CPPED1: variants seen among roughly 807,000 people sequenced by gnomAD.
The protein encoded by CPPED1 is serine/threonine-protein phosphatase CPPED1.
In CPPED1, 28 loss-of-function variants were observed where a neutral mutation model predicts 28.0. The ratio of observed to expected loss-of-function variants is 1.00; its 90% confidence interval spans 0.74 to 1.37. The LOEUF is 1.37. CPPED1 is among the 40% of genes most tolerant of loss of function. CPPED1 has a pLI of 0.00. For synonymous variants in CPPED1, 198 were observed against 180.2 expected (o/e 1.10, Z -0.79); for missense variants, 504 against 416.5 (o/e 1.21, Z -1.83).
At chr16:12,717,785 G>T (rs1317148467) in intron 2 of CPPED1, among the ~76,000 whole-genome samples, 1 of 152,034 alleles carries the variant, frequency 6.6e-6, no homozygotes, top group Non-Finnish European at 1.5e-5. Flanking sequence ...GGGATTACAG[G>T]AGCCTGTCAC....
intron 2 of CPPED1, among the ~76,000 whole-genome samples, chr16:12,710,470 AG>A (rs950227422): frequency 6.6e-6 from 1 of 150,638 alleles, no homozygotes; most frequent in Non-Finnish European, 1.5e-5. Context: ...AAAAAAAAGG[AG>A]GGGGGGAACA....
rs1048438894 is a variant in CPPED1, at chr16:12,728,113, T to G, written c.290-23064A>C. Among the ~76,000 whole-genome samples, 9 of 152,294 alleles carry G rather than the reference T, an allele frequency of 5.9e-5. No homozygotes were observed. In the East Asian group the frequency reaches 1.7e-3, roughly 29 times the overall value. ...AGCGAAATATTTGCAATTTCTGTTA[T>G]TATTGCTGGATTTTGTGTCTTTTTC... is the stretch of plus-strand genomic sequence containing the variant. On this transcript the variant is annotated intron_variant, in intron 2 of 3. Coordinates refer to ENST00000381774, the MANE Select transcript of CPPED1 (RefSeq NM_018340.3).
At chr16:12,802,757 C>T (rs1216282794) in intron 1 of CPPED1, among the ~76,000 whole-genome samples, 3 of 152,222 alleles carry the variant, frequency 2.0e-5, no homozygotes, top group Non-Finnish European at 4.4e-5. Context: ...CAGAAAACAG[C>T]AAGCGCCAAG....
rs2080039177 is a variant in CPPED1 at position 12,704,710 on chromosome 16, AG to A, written c.628del (p.Leu210TrpfsTer86). The A allele has an allele frequency of 6.2e-7, 1 of 1,614,082 alleles. No homozygotes were observed. The highest frequency in any genetic ancestry group is 2.2e-5 in the East Asian group (1 of 44,900). Reference sequence around the variant, plus strand: ...GTCGTCGTCCTCGTCGATGCTCTCCAGGAACAGCGGGATGTGCTGGAAGACG... The same window carrying A: ...GTCGTCGTCCTCGTCGATGCTCTCCAGAACAGCGGGATGTGCTGGAAGACG... ...AIVFQHIPLFLESIDEDDDYY... is the reference protein window; with the variant it reads ...AIVFQHIPLFXESIDEDDDYY... On this transcript the variant is annotated frameshift_variant, in exon 3 of 4. Transcript: ENST00000381774. LOFTEE classifies it high-confidence loss of function.
intron 1 of CPPED1, among the ~76,000 whole-genome samples, chr16:12,783,121 G>T (rs1331687623): frequency 1.3e-5 from 2 of 152,160 alleles, no homozygotes; most frequent in African/African-American, 4.8e-5. Context: ...AGTGCTCGTT[G>T]GGGGAGATGA....
intron 3 of CPPED1, among the ~76,000 whole-genome samples, chr16:12,693,125 G>C (rs923279493): frequency 6.6e-6 from 1 of 152,152 alleles, no homozygotes; most frequent in African/African-American, 2.4e-5. Flanking sequence ...CACCTGTGCC[G>C]AAGACCTGGA....
At chr16:12,712,732 G>C (rs1404973743) in intron 2 of CPPED1, among the ~76,000 whole-genome samples, 1 of 152,026 alleles carries the variant, frequency 6.6e-6, no homozygotes, top group Non-Finnish European at 1.5e-5. Context: ...CTAGTAGTAC[G>C]ACACAATTTT....
Position 12,704,519 on chromosome 16 carries a change from C to T in CPPED1, c.715+105G>A. On this transcript the variant is annotated intron_variant, in intron 3 of 3. Coordinates refer to ENST00000381774, the MANE Select transcript of CPPED1 (RefSeq NM_018340.3). ...CTGGTATCAGAACTCCCGGCCTAGTCCTCTCTCCCTTTTTGACACATTGCA... is the reference window on the plus strand; with the variant it reads ...CTGGTATCAGAACTCCCGGCCTAGTTCTCTCTCCCTTTTTGACACATTGCA... 3 of 1,239,282 alleles carry T rather than the reference C, an allele frequency of 2.4e-6. No homozygotes were observed. In the East Asian group the frequency reaches 7.0e-5, roughly 29 times the overall value. 76.8% of individuals were successfully genotyped at this position (1,239,282 alleles called of 1,614,324 possible). A position where few individuals can be genotyped will look rare whatever the true frequency, so the allele number is the denominator to read the frequency against.
chr16:12,722,024 G>A (rs1372147329), intron 2 of CPPED1, among the ~76,000 whole-genome samples: 2 of 152,098 alleles, frequency 1.3e-5, no homozygotes, highest in African/African-American at 4.8e-5. Flanking sequence ...GTTCTCTGAG[G>A]CAAACAGACA....
chr16:12,696,734 C>T (rs894296338), intron 3 of CPPED1, among the ~76,000 whole-genome samples: 3 of 151,970 alleles, frequency 2.0e-5, no homozygotes, highest in South Asian at 2.1e-4. Context: ...TGAGCCGCTG[C>T]GCCTGGCCTG....
chr16:12,693,370 G>GT (rs1555484513), intron 3 of CPPED1, among the ~76,000 whole-genome samples: 1 of 151,982 alleles, frequency 6.6e-6, no homozygotes, highest in Non-Finnish European at 1.5e-5. Context: ...CATTTTTTGT[G>GT]TTTTTTTGTA....
chr16:12,786,393 C>T (rs891220284), intron 1 of CPPED1, among the ~76,000 whole-genome samples: 5 of 149,618 alleles, frequency 3.3e-5, no homozygotes, highest in Admixed American at 2.7e-4. Context: ...CAGTGACTTT[C>T]GTTTCCTTAA....
intron 3 of CPPED1, among the ~76,000 whole-genome samples, chr16:12,672,473 G>T (rs1237020976): frequency 6.6e-6 from 1 of 152,188 alleles, no homozygotes; most frequent in Non-Finnish European, 1.5e-5. Context: ...GCACCAAAAG[G>T]TGCCAAATAC....
Position 12,665,016 on chromosome 16 carries a change from C to T in CPPED1, c.815G>A (p.Gly272Asp). The change falls in exon 4 of 4, where the codon GGC (glycine) becomes GAC (aspartate). Residue 272 changes from glycine (G) to aspartate (D), a missense_variant. Gly to Asp is a moderately conservative substitution (Grantham distance 94, BLOSUM62 -1). Coordinates refer to ENST00000381774, the MANE Select transcript of CPPED1 (RefSeq NM_018340.3). ...VVSSAIGCQL[G>D]RDPHGLRVVV... ...GACTCGGAGCCCGTGGGGGTCTCTG[C>T]CCAGCTGGCATCCAATGGCAGATGA... The T allele has an allele frequency of 6.2e-7, 1 of 1,609,966 alleles. No individual in the cohort carries two copies. Among genetic ancestry groups the T allele is most frequent in the South Asian group, 1.1e-5 (1 of 90,624 alleles).
rs529672954 is a variant in CPPED1, at chr16:12,701,297, A to T, written c.715+3327T>A. 2.4e-4 allele frequency among the ~76,000 whole-genome samples: 36 copies of T among 152,184 alleles called. No individual in the cohort carries two copies. The South Asian group carries it at 6.9e-3, about 29-fold the overall frequency. On this transcript the variant is annotated intron_variant, in intron 3 of 3. Coordinates refer to ENST00000381774, the MANE Select transcript of CPPED1 (RefSeq NM_018340.3). ...GTAATTCCAGCACTTTGGGAGGCTG[A>T]GGCGGGCAGATCACTTGAGGTCAGT...
intron 3 of CPPED1, among the ~76,000 whole-genome samples, chr16:12,695,218 T>C (rs7197778): frequency 0.2 from 29,968 of 152,194 alleles, 4,904 homozygotes; most frequent in African/African-American, 0.45. Flanking sequence ...TGGTGAGGTA[T>C]GTTAAATTAA....
intron 2 of CPPED1, among the ~76,000 whole-genome samples, chr16:12,732,319 T>C (rs1182076538): frequency 7.2e-6 from 1 of 139,438 alleles, no homozygotes; most frequent in Non-Finnish European, 1.5e-5. Context: ...AGGTGAGGAA[T>C]CATCTCAAAA....
chr16:12,800,451 T>C (rs919486789), intron 1 of CPPED1, among the ~76,000 whole-genome samples: 3 of 143,376 alleles, frequency 2.1e-5, no homozygotes, highest in Admixed American at 7.0e-5. Context: ...AAAAAAAAAG[T>C]AAACCATGGG....
At chr16:12,686,241 A>ATATATATTT (rs35644844) in intron 3 of CPPED1, among the ~76,000 whole-genome samples, 9 of 106,970 alleles carry the variant, frequency 8.4e-5, no homozygotes, top group African/African-American at 3.7e-4. Flanking sequence ...ATATATATAT[A>ATATATATTT]TTTTTTTTTT....
Sources: gnomAD v4.1 joint callset for allele counts (sites outside exome capture counted in the v4.1 genomes callset) on GRCh38, gnomAD v4.1.1 for gene constraint, MANE v1.5 for transcripts, NCBI Gene and HGNC (gene_info 2026-07-23, HGNC 2026-07-21) for gene names.